SLC24A2: variants seen among roughly 807,000 people sequenced by gnomAD.
The protein encoded by SLC24A2 is sodium/potassium/calcium exchanger 2.
SLC24A2 carries 36 observed loss-of-function variants against 62.0 expected under a neutral mutation model. The observed-to-expected ratio is 0.58, with a 90% CI of 0.44 to 0.77. The LOEUF (loss-of-function observed/expected upper bound fraction) is 0.77. SLC24A2 is among the 30% of genes least tolerant of loss of function. The pLI, the probability that SLC24A2 is intolerant of heterozygous loss-of-function variation, is 0.00. For missense variants in SLC24A2, 846 were observed against 817.9 expected, an observed-to-expected ratio of 1.03 and a Z score of -0.42; for synonymous variants, 358 against 294.0, an observed-to-expected ratio of 1.22 and a Z score of -2.23.
the SLC24A2 span, among the ~76,000 whole-genome samples, chr9:19,806,663 G>T: frequency 6.6e-6 from 1 of 152,042 alleles, no homozygotes; most frequent in Non-Finnish European, 1.5e-5. Context: ...ATATAACAAA[G>T]GTCAGTGATT....
At chr9:19,551,279 C>A (rs189540301) in intron 7 of SLC24A2, among the ~76,000 whole-genome samples, 1 of 152,290 alleles carries the variant, frequency 6.6e-6, no homozygotes, top group Admixed American at 6.5e-5. Flanking sequence ...AGACAGTGAA[C>A]CTGCACGGGG....
chr9:20,057,506 G>A, the SLC24A2 span, among the ~76,000 whole-genome samples: 1 of 152,110 alleles, frequency 6.6e-6, no homozygotes, highest in Admixed American at 6.5e-5. Context: ...AAAAAATGGA[G>A]AGAAAACTCC....
At chr9:19,773,714 T>C (rs1822759296) in intron 2 of SLC24A2, among the ~76,000 whole-genome samples, 1 of 151,532 alleles carries the variant, frequency 6.6e-6, no homozygotes, top group South Asian at 2.1e-4. Flanking sequence ...TCAAGGGGAG[T>C]GATTCAATCC....
chr9:19,662,774 G>C (rs1209165001), intron 2 of SLC24A2, among the ~76,000 whole-genome samples: 1 of 152,060 alleles, frequency 6.6e-6, no homozygotes, highest in East Asian at 1.9e-4. Flanking sequence ...CTCTCAATTT[G>C]ATTTAATGCC....
the SLC24A2 span, among the ~76,000 whole-genome samples, chr9:19,795,958 C>T: frequency 0.026 from 3,941 of 151,646 alleles, 89 homozygotes; most frequent in Middle Eastern, 0.082. Context: ...ATGATGAGTT[C>T]ATGTCCTTTG....
At chr9:19,870,015 T>A in the SLC24A2 span, among the ~76,000 whole-genome samples, 4 of 152,186 alleles carry the variant, frequency 2.6e-5, no homozygotes, top group Non-Finnish European at 5.9e-5. Flanking sequence ...GAGATAATTT[T>A]AAAAAATGAA....
chr9:19,892,546 A>G, the SLC24A2 span, among the ~76,000 whole-genome samples: 1 of 152,126 alleles, frequency 6.6e-6, no homozygotes, highest in East Asian at 1.9e-4. Context: ...TTGAATATCC[A>G]CTGTCCACAC....
chr9:19,724,667 C>A (rs1221438939), intron 2 of SLC24A2, among the ~76,000 whole-genome samples: 2 of 152,122 alleles, frequency 1.3e-5, no homozygotes, highest in Admixed American at 6.6e-5. Flanking sequence ...AATCTAATTA[C>A]CTCCAGTTGC....
the SLC24A2 span, among the ~76,000 whole-genome samples, chr9:20,227,868 A>G: frequency 2.6e-5 from 4 of 152,168 alleles, no homozygotes; most frequent in Admixed American, 2.6e-4. Flanking sequence ...TCTGAAATAC[A>G]TATTTTCTTC....
At chr9:20,036,412 T>C in the SLC24A2 span, among the ~76,000 whole-genome samples, 17,616 of 144,086 alleles carry the variant, frequency 0.12, 1,017 homozygotes, top group East Asian at 0.29. Flanking sequence ...CATTGTGCAA[T>C]AGAACTTAGA....
chr9:19,803,191 G>T, the SLC24A2 span, among the ~76,000 whole-genome samples: 1 of 152,106 alleles, frequency 6.6e-6, no homozygotes, highest in African/African-American at 2.4e-5. Context: ...GTGTAGTTCT[G>T]GCTTGTTAAG....
the SLC24A2 span, among the ~76,000 whole-genome samples, chr9:20,139,298 T>C: frequency 3.9e-5 from 6 of 152,190 alleles, no homozygotes; most frequent in Admixed American, 2.0e-4. Flanking sequence ...TTACTCCCTG[T>C]GAGTCCTCAG....
At chr9:20,018,858 G>A in the SLC24A2 span, among the ~76,000 whole-genome samples, 2 of 152,010 alleles carry the variant, frequency 1.3e-5, no homozygotes, top group African/African-American at 4.8e-5. Flanking sequence ...GAGGTGAGGA[G>A]TTAAAGACAA....
At chr9:20,296,848 A>T in the SLC24A2 span, among the ~76,000 whole-genome samples, 4 of 152,166 alleles carry the variant, frequency 2.6e-5, no homozygotes, top group Non-Finnish European at 5.9e-5. Flanking sequence ...TGCTCTCATG[A>T]CTGTTGTTAG....
intron 2 of SLC24A2, among the ~76,000 whole-genome samples, chr9:19,753,227 T>C (rs1822038042): frequency 6.6e-6 from 1 of 152,154 alleles, no homozygotes; most frequent in South Asian, 2.1e-4. Context: ...CAGAATCATT[T>C]CTCATCTAAC....
At chr9:19,854,803 G>A in the SLC24A2 span, among the ~76,000 whole-genome samples, 1 of 152,132 alleles carries the variant, frequency 6.6e-6, no homozygotes, top group African/African-American at 2.4e-5. Context: ...ATGTCTATCA[G>A]GTCCACTTGA....
chr9:19,969,128 T>G, the SLC24A2 span, among the ~76,000 whole-genome samples: 2 of 149,266 alleles, frequency 1.3e-5, no homozygotes, highest in Non-Finnish European at 1.5e-5. Context: ...CCTGAATTCC[T>G]GAGGCCAGGG....
intron 2 of SLC24A2, among the ~76,000 whole-genome samples, chr9:19,764,680 C>T (rs1220372834): frequency 1.3e-5 from 2 of 151,936 alleles, no homozygotes; most frequent in Non-Finnish European, 2.9e-5. Flanking sequence ...TTATGATTTC[C>T]ATTCTTTAGC....
Position 19,632,702 on chromosome 9 carries a change from C to T in SLC24A2, c.931-10403G>A, listed in dbSNP as rs1049494462. Among the ~76,000 whole-genome samples the T allele has an allele frequency of 2.0e-5, 3 of 152,264 alleles. No individual in the cohort carries two copies. Among genetic ancestry groups the T allele is most frequent in the South Asian group, 2.1e-4 (1 of 4,814 alleles). On this transcript the variant is annotated intron_variant, in intron 2 of 10. Coordinates refer to ENST00000341998, the MANE Select transcript of SLC24A2 (RefSeq NM_020344.4). This position sits in a 1 kb window ranked among gnomAD's most constrained non-coding sequence, Gnocchi z 4.5. ...AAAATATGTATAGGGTGGTCCCATG[C>T]GCCCTTTACCCAACCTCCTCCAATG...
Sources: gnomAD v4.1 joint callset for allele counts (sites outside exome capture counted in the v4.1 genomes callset) on GRCh38, gnomAD v4.1.1 for gene constraint, Gnocchi (gnomAD v3.1) non-coding constraint, MANE v1.5 for transcripts, NCBI Gene and HGNC (gene_info 2026-07-23, HGNC 2026-07-21) for gene names.